The following RPTOR variants were observed in gnomAD, a reference collection of about 807,000 sequenced individuals.
RPTOR encodes the protein regulatory associated protein of MTOR complex 1.
A neutral mutation model predicts 169.9 loss-of-function variants in RPTOR; 21 were observed. The ratio of observed to expected loss-of-function variants is 0.12; its 90% confidence interval spans 0.09 to 0.18. The LOEUF is 0.18. Ranked by LOEUF, RPTOR falls within the 10% of genes least tolerant of loss-of-function variation. The probability of loss-of-function intolerance (pLI) is 1.00; values close to 1 mark genes in which losing one functional copy is unlikely to be tolerated. For missense variants in RPTOR, 1,133 were observed against 1,855.9 expected, an observed-to-expected ratio of 0.61 and a Z score of 7.16; for synonymous variants, 732 against 753.2, an observed-to-expected ratio of 0.97 and a Z score of 0.46.
At chr17:80,894,967 T>C (rs2068379802) in intron 20 of RPTOR, among the ~76,000 whole-genome samples, 1 of 152,262 alleles carries the variant, frequency 6.6e-6, no homozygotes, top group African/African-American at 2.4e-5. Context: ...GCCCGTTTCT[T>C]TGGCTCTGAC....
chr17:80,902,741 T>C (rs994942501), intron 20 of RPTOR, among the ~76,000 whole-genome samples: 3 of 152,176 alleles, frequency 2.0e-5, no homozygotes, highest in African/African-American at 7.2e-5. Context: ...CAGACACCCA[T>C]GCATGTGGCC....
intron 28 of RPTOR, among the ~76,000 whole-genome samples, chr17:80,955,835 C>T (rs1273108721): frequency 6.6e-6 from 1 of 152,160 alleles, no homozygotes; most frequent in Middle Eastern, 3.2e-3. Context: ...CAGTTCCGTT[C>T]TAGGCGCTTC....
In RPTOR at chr17:80,845,780, C is replaced by T. The variant is rs1188842768; in HGVS notation, c.1213-693C>T. Among the ~76,000 whole-genome samples the T allele has an allele frequency of 6.6e-5, 10 of 152,230 alleles. No homozygotes were observed. Among genetic ancestry groups the T allele is most frequent in the Admixed American group, 6.5e-4 (10 of 15,284 alleles). The stretch of plus-strand genomic sequence containing the variant: ...AAACCAAATTCACCCTGTCTCGAAA[C>T]CCCTCTGGCTGCGCTTTTGCCCAAC... On this transcript the variant is annotated intron_variant, in intron 10 of 33. Coordinates refer to ENST00000306801, the MANE Select transcript of RPTOR (RefSeq NM_020761.3). This position sits in a 1 kb window ranked among gnomAD's most constrained non-coding sequence, Gnocchi z 5.4.
At position 80,824,693 on chromosome 17, in the gene RPTOR, G is replaced by C. The variant is rs537436703; in HGVS notation, c.1136+1470G>C. On this transcript the variant is annotated intron_variant, in intron 9 of 33. Coordinates refer to ENST00000306801, the MANE Select transcript of RPTOR (RefSeq NM_020761.3). The stretch of plus-strand genomic sequence containing the variant: ...TGGGAGCCGGTTGAGCACTCGGAGC[G>C]GGGTGGGCAGGGCCTCCAGACTTGC... Among the ~76,000 whole-genome samples the C allele has an allele frequency of 2.0e-5, 3 of 152,354 alleles. No homozygotes were observed. The South Asian group carries it at 6.2e-4, about 32-fold the overall frequency.
At chr17:80,961,027 G>A (rs1598427527) in intron 30 of RPTOR, 1 of 299,006 alleles carries the variant, frequency 3.3e-6, no homozygotes, top group East Asian at 6.2e-5. Flanking sequence ...AGATCGGGGA[G>A]ACACAATGAG....
intron 21 of RPTOR, among the ~76,000 whole-genome samples, chr17:80,914,872 A>C (rs2143951579): frequency 6.6e-6 from 1 of 152,348 alleles, no homozygotes; most frequent in South Asian, 2.1e-4. Context: ...TGCCACCTTC[A>C]AGCCAGGGAC....
intron 11 of RPTOR, among the ~76,000 whole-genome samples, chr17:80,853,856 T>A (rs1416802724): frequency 3.9e-5 from 6 of 152,034 alleles, no homozygotes; most frequent in Non-Finnish European, 7.4e-5. Context: ...TGGCAGGCGC[T>A]TGTAGTCTTA....
intron 3 of RPTOR, among the ~76,000 whole-genome samples, chr17:80,670,651 G>C (rs111866211): frequency 2.2e-4 from 33 of 152,256 alleles, no homozygotes; most frequent in Admixed American, 7.8e-4. Context: ...TGTACCTACA[G>C]CTCCCGGCCA....
chr17:80,652,430 T>C (rs1420247454), intron 3 of RPTOR, among the ~76,000 whole-genome samples: 1 of 152,222 alleles, frequency 6.6e-6, no homozygotes, highest in African/African-American at 2.4e-5. Flanking sequence ...CTGGGCTCTT[T>C]CCTTAGCATC....
rs192352536 is a variant in RPTOR, at chr17:80,567,532, C to G, written c.162+21741C>G. Among the ~76,000 whole-genome samples, 3 of 152,090 alleles carry G rather than the reference C, an allele frequency of 2.0e-5. No homozygotes were observed. The East Asian group carries it at 5.9e-4, about 30-fold the overall frequency. On this transcript the variant is annotated intron_variant, in intron 1 of 33. Coordinates refer to ENST00000306801, the MANE Select transcript of RPTOR (RefSeq NM_020761.3). ...TCTGGCCGGGCGCGGTGGCTCACGC[C>G]TGTAATCCCAGCACTTTGGGAGGCC... is the stretch of plus-strand genomic sequence containing the variant.
At chr17:80,572,658 C>T (rs925490354) in intron 1 of RPTOR, among the ~76,000 whole-genome samples, 1 of 152,086 alleles carries the variant, frequency 6.6e-6, no homozygotes, top group Non-Finnish European at 1.5e-5. Flanking sequence ...CCAGCAGTTC[C>T]AGGCTGCAGT....
intron 3 of RPTOR, among the ~76,000 whole-genome samples, chr17:80,694,892 T>C (rs866695477): frequency 1.3e-5 from 2 of 152,126 alleles, no homozygotes; most frequent in South Asian, 4.1e-4. Flanking sequence ...GGCCTGTTAG[T>C]GTGTGCCAGA....
At chr17:80,623,196 C>T (rs74000823) in intron 1 of RPTOR, among the ~76,000 whole-genome samples, 4,112 of 151,986 alleles carry the variant, frequency 0.027, 195 homozygotes, top group African/African-American at 0.094. Context: ...GATCTAAAAC[C>T]GAAACAGGAG....
In RPTOR at chr17:80,659,793, C is replaced by T. The variant is rs561534755; in HGVS notation, c.348+15983C>T. On this transcript the variant is annotated intron_variant, in intron 3 of 33. Coordinates refer to ENST00000306801, the MANE Select transcript of RPTOR (RefSeq NM_020761.3). This position sits in a 1 kb window ranked among gnomAD's most constrained non-coding sequence, Gnocchi z 4.3. ...GCTGAGATACAGGCGTGAGCCACTG[C>T]GCCCGGACCATCTGGCTAATTTAAA... Among the ~76,000 whole-genome samples the T allele has an allele frequency of 1.4e-4, 21 of 152,230 alleles. No individual in the cohort carries two copies. The South Asian group carries it at 3.9e-3, about 29-fold the overall frequency.
chr17:80,801,746 G>A (rs2067160076), intron 7 of RPTOR: 1 of 152,168 alleles, frequency 6.6e-6, no homozygotes, highest in African/African-American at 2.4e-5. Context: ...GATGAGTAAC[G>A]AGGCACTAGA....
intron 1 of RPTOR, among the ~76,000 whole-genome samples, chr17:80,591,328 C>T (rs1283945834): frequency 7.1e-6 from 1 of 141,044 alleles, no homozygotes; most frequent in Non-Finnish European, 1.5e-5. Flanking sequence ...TTTTCTTTCT[C>T]TCCTTCTTTT....
At chr17:80,942,933 G>T (rs1056270856) in intron 25 of RPTOR, among the ~76,000 whole-genome samples, 1 of 152,254 alleles carries the variant, frequency 6.6e-6, no homozygotes, top group Non-Finnish European at 1.5e-5. Flanking sequence ...CCCTGCAGCT[G>T]GGAATGGAGG....
chr17:80,804,216 G>A (rs1424495643), intron 7 of RPTOR: 2 of 152,426 alleles, frequency 1.3e-5, no homozygotes, highest in Admixed American at 6.5e-5. Flanking sequence ...AGCCTGACTA[G>A]TGGCTCCGTT....
At chr17:80,693,779 A>G (rs1043071694) in intron 3 of RPTOR, among the ~76,000 whole-genome samples, 3 of 152,234 alleles carry the variant, frequency 2.0e-5, no homozygotes, top group Non-Finnish European at 2.9e-5. Flanking sequence ...GCGTTTTGCC[A>G]GGGGCCAGAG....
Sources: gnomAD v4.1 joint callset for allele counts (sites outside exome capture counted in the v4.1 genomes callset) on GRCh38, gnomAD v4.1.1 for gene constraint, Gnocchi (gnomAD v3.1) non-coding constraint, MANE v1.5 for transcripts, NCBI Gene and HGNC (gene_info 2026-07-23, HGNC 2026-07-21) for gene names.